The following CCDC91 variants were observed in gnomAD, a reference collection of about 807,000 sequenced individuals.
The protein encoded by CCDC91 is coiled-coil domain-containing protein 91.
Under a neutral mutation model 63.2 loss-of-function variants are expected in CCDC91, and 48 were observed. The ratio of observed to expected loss-of-function variants is 0.76; its 90% confidence interval spans 0.60 to 0.97. The LOEUF is 0.97. CCDC91 is among the 50% of genes least tolerant of loss of function. CCDC91 has a pLI of 0.00. For missense variants in CCDC91, 500 were observed against 494.6 expected, an observed-to-expected ratio of 1.01 and a Z score of -0.10; for synonymous variants, 167 against 165.8, an observed-to-expected ratio of 1.01 and a Z score of -0.06.
chr12:28,345,094 A>C (rs2138092604), intron 6 of CCDC91, among the ~76,000 whole-genome samples: 1 of 152,218 alleles, frequency 6.6e-6, no homozygotes, highest in African/African-American at 2.4e-5. Flanking sequence ...AATTTTAAAA[A>C]GTACAAAAGG....
At chr12:28,480,872 C>T (rs117537941) in intron 11 of CCDC91, among the ~76,000 whole-genome samples, 4 of 152,124 alleles carry the variant, frequency 2.6e-5, no homozygotes, top group East Asian at 3.9e-4. Flanking sequence ...GGCAGACAAC[C>T]ACAGGCATTT....
chr12:28,447,596 A>AT (rs1189828582), intron 8 of CCDC91, among the ~76,000 whole-genome samples: 2 of 149,650 alleles, frequency 1.3e-5, no homozygotes, highest in Non-Finnish European at 3.0e-5. Context: ...TCATCCTGTA[A>AT]TCCCAGCACT....
chr12:28,289,372 T>C (rs560676753), intron 3 of CCDC91, among the ~76,000 whole-genome samples: 3 of 152,288 alleles, frequency 2.0e-5, no homozygotes, highest in Admixed American at 2.0e-4. Context: ...GGGATTCTGG[T>C]ATGTTGTATC....
intron 12 of CCDC91, among the ~76,000 whole-genome samples, chr12:28,527,719 G>A (rs541214198): frequency 5.4e-4 from 82 of 152,178 alleles, no homozygotes; most frequent in Non-Finnish European, 9.1e-4. Flanking sequence ...ACCATTAGAT[G>A]GTGGCAGGGC....
chr12:28,395,716 A>G (rs534569025), intron 8 of CCDC91, among the ~76,000 whole-genome samples: 1 of 152,278 alleles, frequency 6.6e-6, no homozygotes, highest in Admixed American at 6.5e-5. Flanking sequence ...TATCATCAGA[A>G]AAACCGAGGC....
At chr12:28,322,617 A>G (rs1156286742) in intron 6 of CCDC91, among the ~76,000 whole-genome samples, 1 of 151,522 alleles carries the variant, frequency 6.6e-6, no homozygotes, top group East Asian at 1.9e-4. Flanking sequence ...TTTCTCTGTC[A>G]TACAAATTTT....
At chr12:28,388,609 A>C (rs1457861011) in intron 7 of CCDC91, among the ~76,000 whole-genome samples, 2 of 152,194 alleles carry the variant, frequency 1.3e-5, no homozygotes, top group Non-Finnish European at 2.9e-5. Context: ...GAAATCATAG[A>C]TGACACAAAT....
At chr12:28,218,601 G>T (rs189533537) in intron 1 of CCDC91, among the ~76,000 whole-genome samples, 1 of 151,786 alleles carries the variant, frequency 6.6e-6, no homozygotes, top group Non-Finnish European at 1.5e-5. Flanking sequence ...ACTAGACCCC[G>T]TCCCACCACC....
At chr12:28,378,030 A>G (rs1945055107) in intron 7 of CCDC91, among the ~76,000 whole-genome samples, 1 of 152,010 alleles carries the variant, frequency 6.6e-6, no homozygotes, top group Non-Finnish European at 1.5e-5. Flanking sequence ...ATATTTAAAT[A>G]TTAGGGTATT....
rs1941098101 is a variant in CCDC91 at position 28,190,466 on chromosome 12, G to C, written c.-190G>C. On this transcript the variant is annotated 5_prime_UTR_variant, in exon 1 of 13. Transcript: ENST00000536442. ...TCAACTTCCGGGGGCAGAGGTGTTC[G>C]AAGCCGGGTGGTGCGTGGGCTACCC... 1 of 152,752 alleles carries C rather than the reference G, an allele frequency of 6.5e-6. No individual in the cohort carries two copies. The highest frequency in any genetic ancestry group is 1.5e-5 in the Non-Finnish European group (1 of 68,432). 9.5% of individuals were successfully genotyped at this position (152,752 alleles called of 1,614,324 possible).
Position 28,549,845 on chromosome 12 carries a change from G to A in CCDC91, c.*672G>A, listed in dbSNP as rs1177386209. 6.6e-6 allele frequency: 1 copy of A among 152,102 alleles called. No homozygotes were observed. The highest frequency in any genetic ancestry group is 1.5e-5 in the Non-Finnish European group (1 of 67,988). 9.4% of individuals were successfully genotyped at this position (152,102 alleles called of 1,614,324 possible). Reference sequence around the variant, plus strand: ...TTGTTTCCTATTTCTGCTCTTTAAAGATACTTTGAATCAATAAAACCATTA... The same window carrying A: ...TTGTTTCCTATTTCTGCTCTTTAAAAATACTTTGAATCAATAAAACCATTA... On this transcript the variant is annotated 3_prime_UTR_variant, in exon 13 of 13. Transcript: ENST00000536442.
intron 1 of CCDC91, among the ~76,000 whole-genome samples, chr12:28,228,295 T>G (rs1298619583): frequency 6.6e-6 from 1 of 152,108 alleles, no homozygotes; most frequent in African/African-American, 2.4e-5. Context: ...AACTTAGATA[T>G]CCTCACCCAT....
intron 7 of CCDC91, among the ~76,000 whole-genome samples, chr12:28,390,599 G>C (rs1245232689): frequency 1.3e-5 from 2 of 152,140 alleles, no homozygotes; most frequent in Non-Finnish European, 2.9e-5. Flanking sequence ...CCTTGAAACA[G>C]TGGTAATATC....
chr12:28,469,453 A>G (rs1426432804), intron 11 of CCDC91, among the ~76,000 whole-genome samples: 1 of 152,118 alleles, frequency 6.6e-6, no homozygotes, highest in Non-Finnish European at 1.5e-5. Context: ...CAAAAAATGG[A>G]AAGATATTCT....
chr12:28,459,229 C>G (rs1479061008), intron 11 of CCDC91, among the ~76,000 whole-genome samples: 3 of 152,088 alleles, frequency 2.0e-5, no homozygotes, highest in African/African-American at 7.2e-5. Flanking sequence ...TATTTCCTCC[C>G]TGCAGATTAA....
chr12:28,374,202 C>G (rs990755207), intron 7 of CCDC91, among the ~76,000 whole-genome samples: 1 of 152,000 alleles, frequency 6.6e-6, no homozygotes, highest in South Asian at 2.1e-4. Context: ...AGTGGTTACT[C>G]TGTTATCAAT....
intron 6 of CCDC91, among the ~76,000 whole-genome samples, chr12:28,348,626 ATTG>A (rs1310431995): frequency 6.6e-6 from 1 of 152,068 alleles, no homozygotes; most frequent in Non-Finnish European, 1.5e-5. Context: ...TGTAACAACT[ATTG>A]TTTGGTTGCT....
intron 12 of CCDC91, among the ~76,000 whole-genome samples, chr12:28,507,594 T>G (rs10843191): frequency 0.21 from 31,720 of 151,998 alleles, 4,336 homozygotes; most frequent in Non-Finnish European, 0.31. Flanking sequence ...CTTGCCATTT[T>G]TCTAAATTCA....
intron 1 of CCDC91, among the ~76,000 whole-genome samples, chr12:28,239,462 G>T (rs1215994798): frequency 6.6e-6 from 1 of 152,114 alleles, no homozygotes; most frequent in African/African-American, 2.4e-5. Flanking sequence ...AGTAAACCCT[G>T]TCAAGCAGTG....
Sources: gnomAD v4.1 joint callset for allele counts (sites outside exome capture counted in the v4.1 genomes callset) on GRCh38, gnomAD v4.1.1 for gene constraint, MANE v1.5 for transcripts, NCBI Gene and HGNC (gene_info 2026-07-23, HGNC 2026-07-21) for gene names.